The following FABP12 variants were observed in gnomAD, a reference collection of about 807,000 sequenced individuals.
FABP12 encodes the protein fatty acid-binding protein 12.
In FABP12, 19 loss-of-function variants were observed where a neutral mutation model predicts 13.7. The ratio of observed to expected loss-of-function variants is 1.39; its 90% CI spans 0.97 to 2.04. The LOEUF is 2.04. Ranked by LOEUF, FABP12 falls within the 30% of genes most tolerant of loss-of-function variation. FABP12 has a pLI of 0.00. For synonymous variants in FABP12, 61 were observed against 57.0 expected, an observed-to-expected ratio of 1.07 and a Z score of -0.32; for missense variants, 182 against 164.2, an observed-to-expected ratio of 1.11 and a Z score of -0.59.
At chr8:81,579,719 C>A (rs1563558837) in intron 1 of FABP12, among the ~76,000 whole-genome samples, 1 of 152,080 alleles carries the variant, frequency 6.6e-6, no homozygotes, top group Non-Finnish European at 1.5e-5. Context: ...AGGATATAAA[C>A]AAAGTGATTT....
chr8:81,572,895 GTGGGTTGTTTGTTTGC>G (rs879779359), intron 1 of FABP12, among the ~76,000 whole-genome samples: 4,284 of 152,204 alleles, frequency 0.028, 96 homozygotes, highest in Middle Eastern at 0.082. Flanking sequence ...CTCCCACTCT[GTGGGTTGTTTGTTTGC>G]TGCTAACTGT....
upstream of FABP12, among the ~76,000 whole-genome samples, chr8:81,536,541 C>G (rs1809226888): frequency 6.6e-6 from 1 of 152,214 alleles, no homozygotes; most frequent in African/African-American, 2.4e-5. Context: ...TCATTTGCAA[C>G]TAATTCAATA....
intron 1 of FABP12, among the ~76,000 whole-genome samples, chr8:81,557,063 C>T (rs182508247): frequency 6.6e-6 from 1 of 151,702 alleles, no homozygotes; most frequent in Non-Finnish European, 1.5e-5. Context: ...TTAGTAGAGA[C>T]GGAGTTTCAC....
intron 1 of FABP12, among the ~76,000 whole-genome samples, chr8:81,560,125 A>C (rs1199395795): frequency 1.3e-5 from 2 of 152,226 alleles, no homozygotes; most frequent in African/African-American, 4.8e-5. Context: ...CTATATTTAC[A>C]TATGGCTGCT....
At chr8:81,550,765 A>G (rs117740726) in intron 1 of FABP12, among the ~76,000 whole-genome samples, 2 of 152,176 alleles carry the variant, frequency 1.3e-5, no homozygotes, top group African/African-American at 4.8e-5. Flanking sequence ...TACCAAACCT[A>G]GGTACCTTTA....
At chr8:81,573,679 A>C (rs113761827) in intron 1 of FABP12, among the ~76,000 whole-genome samples, 1 of 151,988 alleles carries the variant, frequency 6.6e-6, no homozygotes, top group Non-Finnish European at 1.5e-5. Context: ...GGTTAGGTAT[A>C]TTCCCAAGTT....
chr8:81,546,426 G>C (rs1428235105), intron 1 of FABP12, among the ~76,000 whole-genome samples: 1 of 152,016 alleles, frequency 6.6e-6, no homozygotes. Flanking sequence ...GGCGGAGGTG[G>C]GTGGATCACG....
chr8:81,569,907 G>A (rs115022321), intron 1 of FABP12, among the ~76,000 whole-genome samples: 2,669 of 152,288 alleles, frequency 0.018, 61 homozygotes, highest in African/African-American at 0.058. Context: ...GGCTCGTTCT[G>A]CCCGCTCGGC....
intron 4 of FABP12, 42 bp downstream of exon 4, chr8:81,526,978 C>A: frequency 9.0e-7 from 1 of 1,112,296 alleles, no homozygotes; most frequent in South Asian, 1.4e-5. Context: ...TTATATTAGT[C>A]GTTGCAGAAG....
intron 1 of FABP12, among the ~76,000 whole-genome samples, chr8:81,554,338 T>C (rs1337818895): frequency 1.3e-5 from 2 of 152,162 alleles, no homozygotes; most frequent in Non-Finnish European, 1.5e-5. Context: ...TAAATAAACC[T>C]ATTTCAATCC....
intron 3 of FABP12, 83 bp from the exon 4 acceptor site, chr8:81,527,204 C>T: frequency 1.4e-6 from 1 of 724,998 alleles, no homozygotes; most frequent in East Asian, 2.7e-5. Context: ...TTCTTTTTAG[C>T]TGTTGTAATA....
intron 1 of FABP12, among the ~76,000 whole-genome samples, chr8:81,578,774 G>A (rs145473273): frequency 7.4e-4 from 111 of 149,452 alleles, no homozygotes; most frequent in Middle Eastern, 3.5e-3. Context: ...GTGAGCCACC[G>A]CGCCTGGCCT....
intron 1 of FABP12, among the ~76,000 whole-genome samples, chr8:81,572,418 A>G (rs1809949149): frequency 6.6e-6 from 1 of 152,158 alleles, no homozygotes; most frequent in Non-Finnish European, 1.5e-5. Flanking sequence ...ATAAACATGT[A>G]TGTGCAAGAA....
intron 1 of FABP12, among the ~76,000 whole-genome samples, chr8:81,547,010 T>A (rs542794671): frequency 3.7e-4 from 57 of 152,328 alleles, no homozygotes; most frequent in African/African-American, 1.3e-3. Flanking sequence ...GTTCCTTTTA[T>A]GTTTATTTTC....
At chr8:81,544,250 A>C (rs1255861197) in intron 1 of FABP12, among the ~76,000 whole-genome samples, 2 of 152,196 alleles carry the variant, frequency 1.3e-5, no homozygotes, top group African/African-American at 2.4e-5. Flanking sequence ...GTTCTTTAGA[A>C]GCTCTGGAGG....
At chr8:81,567,525 T>G (rs552844727) in intron 1 of FABP12, among the ~76,000 whole-genome samples, 2 of 152,150 alleles carry the variant, frequency 1.3e-5, no homozygotes, top group Non-Finnish European at 2.9e-5. Context: ...AAACTCCTAT[T>G]TGACAAAGGT....
chr8:81,532,718 G>A (rs1809107199), intron 1 of FABP12, among the ~76,000 whole-genome samples: 1 of 152,212 alleles, frequency 6.6e-6, no homozygotes, highest in Admixed American at 6.5e-5. Context: ...CTACTCGGGA[G>A]GCTGAGGCAG....
intron 1 of FABP12, among the ~76,000 whole-genome samples, chr8:81,584,124 T>G (rs57015301): frequency 6.6e-6 from 1 of 152,116 alleles, no homozygotes. Context: ...AAAAAGCATT[T>G]GATAAAATTC....
At chr8:81,543,980 A>T (rs953683972) in intron 1 of FABP12, among the ~76,000 whole-genome samples, 4 of 152,182 alleles carry the variant, frequency 2.6e-5, no homozygotes, top group African/African-American at 9.7e-5. Context: ...GTCTAACAGG[A>T]AGTTGACTAA....
Sources: gnomAD v4.1 joint callset for allele counts (sites outside exome capture counted in the v4.1 genomes callset) on GRCh38, gnomAD v4.1.1 for gene constraint, MANE v1.5 for transcripts, NCBI Gene and HGNC (gene_info 2026-07-23, HGNC 2026-07-21) for gene names.